HS2ST1: variants seen among roughly 807,000 people sequenced by gnomAD.
HS2ST1 encodes the protein 2-O-sulfotransferase.
Under a neutral mutation model 42.9 loss-of-function variants are expected in HS2ST1, and 18 were observed. That is an observed-to-expected ratio of 0.42 (90% CI 0.29 to 0.62). The LOEUF is 0.62. Among genes scored for constraint, HS2ST1 ranks in the 20% least tolerant of loss-of-function variants. HS2ST1 has a pLI of 0.21. For missense variants in HS2ST1, 334 were observed against 433.8 expected (o/e 0.77, Z 2.04); for synonymous variants, 146 against 152.9 (o/e 0.95, Z 0.33).
At chr1:86,972,017 AG>A (rs1339493573) in intron 1 of HS2ST1, among the ~76,000 whole-genome samples, 1 of 152,226 alleles carries the variant, frequency 6.6e-6, no homozygotes, top group African/African-American at 2.4e-5. Flanking sequence ...ATTTACATAG[AG>A]AAGATGTTCA....
rs1047296545 is a variant in HS2ST1, at chr1:87,057,952, T to C, written c.125-14982T>C. The stretch of plus-strand genomic sequence containing the variant: ...TAAAATAGGATTGTGGGAGAATAAG[T>C]AGGCATCCTACTCCCTTCCTCCCAC... On this transcript the variant is annotated intron_variant, in intron 1 of 6. Coordinates refer to ENST00000370550, the MANE Select transcript of HS2ST1 (RefSeq NM_012262.4). 4.6e-5 allele frequency among the ~76,000 whole-genome samples: 7 copies of C among 151,688 alleles called. 1 individual carries two copies. The highest frequency in any genetic ancestry group is 1.5e-4 in the African/African-American group (6 of 41,006).
chr1:87,051,034 T>C (rs1365125045), intron 1 of HS2ST1, among the ~76,000 whole-genome samples: 1 of 152,184 alleles, frequency 6.6e-6, no homozygotes, highest in Non-Finnish European at 1.5e-5. Context: ...ATTTCTTAGA[T>C]TGTGGAGTGA....
In HS2ST1 at chr1:87,109,785, A is replaced by C. The variant is rs1207469646; in HGVS notation, c.*5089A>C. 2.0e-5 allele frequency: 3 copies of C among 151,862 alleles called. No individual in the cohort carries two copies. Among genetic ancestry groups the C allele is most frequent in the Non-Finnish European group, 4.4e-5 (3 of 67,990 alleles). 9.4% of individuals were successfully genotyped at this position (151,862 alleles called of 1,614,324 possible). A position where few individuals can be genotyped will look rare whatever the true frequency, so the allele number is the denominator to read the frequency against. On this transcript the variant is annotated 3_prime_UTR_variant, in exon 7 of 7. Coordinates refer to ENST00000370550, the MANE Select transcript of HS2ST1 (RefSeq NM_012262.4). ...TTGAGAATCAAAGGGATCTGCATTT[A>C]GCAATGTGATGTCAGTAAATGGACA... is the stretch of plus-strand genomic sequence containing the variant.
chr1:87,044,178 C>A (rs1650588022), intron 1 of HS2ST1, among the ~76,000 whole-genome samples: 1 of 152,058 alleles, frequency 6.6e-6, no homozygotes, highest in Admixed American at 6.6e-5. Context: ...AAATAAATAG[C>A]AGTAACAGTA....
At chr1:87,104,172 C>G (rs554520306) in intron 6 of HS2ST1, among the ~76,000 whole-genome samples, 18 of 152,130 alleles carry the variant, frequency 1.2e-4, no homozygotes, top group Admixed American at 1.0e-3. Flanking sequence ...CTCAGAGCAC[C>G]AAGCACTTGA....
chr1:86,963,979 G>T (rs1647952716), intron 1 of HS2ST1, among the ~76,000 whole-genome samples: 1 of 151,272 alleles, frequency 6.6e-6, no homozygotes, highest in South Asian at 2.1e-4. Context: ...CCGGGCGGAG[G>T]GGCTCCTCAC....
intron 1 of HS2ST1, among the ~76,000 whole-genome samples, chr1:86,976,777 A>T (rs569981325): frequency 3.1e-5 from 4 of 129,770 alleles, no homozygotes; most frequent in African/African-American, 1.1e-4. Context: ...TCTCTTGAAA[A>T]CCATGGCAGT....
chr1:87,035,007 A>G (rs1205520623), intron 1 of HS2ST1, among the ~76,000 whole-genome samples: 1 of 152,226 alleles, frequency 6.6e-6, no homozygotes, highest in Non-Finnish European at 1.5e-5. Context: ...TGACAGAAGC[A>G]GGAGTCTTAG....
At chr1:87,065,162 T>C (rs1459711426) in intron 1 of HS2ST1, among the ~76,000 whole-genome samples, 1 of 152,242 alleles carries the variant, frequency 6.6e-6, no homozygotes, top group Non-Finnish European at 1.5e-5. Flanking sequence ...TCTGTATTGC[T>C]CACTATTCCT....
At chr1:86,945,869 G>A (rs1270804739) in intron 1 of HS2ST1, among the ~76,000 whole-genome samples, 2 of 152,144 alleles carry the variant, frequency 1.3e-5, no homozygotes, top group Non-Finnish European at 2.9e-5. Context: ...AGGAGTTTGA[G>A]ACCACCCTGG....
At chr1:86,942,953 C>T (rs536638330) in intron 1 of HS2ST1, among the ~76,000 whole-genome samples, 2 of 152,212 alleles carry the variant, frequency 1.3e-5, no homozygotes, top group East Asian at 1.9e-4. Context: ...AATCATCAGA[C>T]TTTCTGGCTC....
At chr1:86,958,253 C>T (rs926482407) in intron 1 of HS2ST1, among the ~76,000 whole-genome samples, 1 of 152,222 alleles carries the variant, frequency 6.6e-6, no homozygotes, top group African/African-American at 2.4e-5. Flanking sequence ...TCACCGATAA[C>T]ATTAACAGCC....
At chr1:86,985,519 CACATATATAT>C in intron 1 of HS2ST1, among the ~76,000 whole-genome samples, 1 of 54,408 alleles carries the variant, frequency 1.8e-5, no homozygotes, top group Non-Finnish European at 3.9e-5. Context: ...CATATATATA[CACATATATAT>C]ACATATATAT....
In HS2ST1 at chr1:86,950,846, G is replaced by A. The variant is rs1469749924; in HGVS notation, c.124+35686G>A. Among the ~76,000 whole-genome samples the A allele has an allele frequency of 5.3e-5, 8 of 152,246 alleles. No individual in the cohort carries two copies. The East Asian group carries it at 1.2e-3, about 22-fold the overall frequency. On this transcript the variant is annotated intron_variant, in intron 1 of 6. Transcript: ENST00000370550. ...TTGAAGTTTTCAGCATAAAAAGTGG[G>A]TAAAAGAAATGACCTCTTTATGCTG...
At chr1:87,009,297 T>G (rs1335108228) in intron 1 of HS2ST1, among the ~76,000 whole-genome samples, 1 of 152,190 alleles carries the variant, frequency 6.6e-6, no homozygotes, top group Non-Finnish European at 1.5e-5. Flanking sequence ...TTCTTTCCAG[T>G]AATCTTTGGA....
chr1:87,059,301 C>A (rs1337448371), intron 1 of HS2ST1, among the ~76,000 whole-genome samples: 1 of 152,216 alleles, frequency 6.6e-6, no homozygotes, highest in Non-Finnish European at 1.5e-5. Context: ...GCCATCCCCA[C>A]ATCTTGAAAG....
intron 1 of HS2ST1, among the ~76,000 whole-genome samples, chr1:86,927,412 G>A (rs1660445942): frequency 6.6e-6 from 1 of 152,084 alleles, no homozygotes; most frequent in South Asian, 2.1e-4. Context: ...CTTCTCCTGT[G>A]GGAAGGTAGT....
intron 1 of HS2ST1, among the ~76,000 whole-genome samples, chr1:86,966,454 T>G (rs1648051030): frequency 6.6e-6 from 1 of 152,242 alleles, no homozygotes; most frequent in African/African-American, 2.4e-5. Context: ...TCTAATTTTA[T>G]GGAATGTTCT....
At chr1:86,921,390 T>TA (rs974799326) in intron 1 of HS2ST1, among the ~76,000 whole-genome samples, 28 of 152,310 alleles carry the variant, frequency 1.8e-4, no homozygotes, top group African/African-American at 5.5e-4. Context: ...CCCTTTTTTT[T>TA]ATACAAGATA....
Sources: allele counts gnomAD v4.1 joint callset (sites outside exome capture counted in the v4.1 genomes callset), GRCh38; gene constraint gnomAD v4.1.1; transcripts MANE v1.5; gene names NCBI Gene and HGNC (gene_info 2026-07-23, HGNC 2026-07-21).